MTR: variants seen among roughly 807,000 people sequenced by gnomAD.
MTR encodes 5-methyltetrahydrofolate-homocysteine methyltransferase.
A neutral mutation model predicts 154.8 loss-of-function variants in MTR; 84 were observed. The observed-to-expected ratio is 0.54, with a 90% confidence interval of 0.45 to 0.65. The LOEUF is 0.65. MTR is among the 30% of genes least tolerant of loss of function. The pLI, the probability that MTR is intolerant of heterozygous loss-of-function variation, is 0.00. For missense variants in MTR, 1,275 were observed against 1,570.2 expected (o/e 0.81, Z 3.18); for synonymous variants, 554 against 553.9 (o/e 1.00, Z 0.00).
chr1:236,813,143 C>CATAA lies in MTR; in HGVS notation c.609+303_609+306dup, dbSNP rs571404123. On this transcript the variant is annotated intron_variant, in intron 6 of 32. Transcript: ENST00000366577. ...CTGCTGGTTCTAAATTTGAAAGATA[C>CATAA]ATAAATATATGGAGTGAAAAGTGAA... Among the ~76,000 whole-genome samples the CATAA allele has an allele frequency of 5.7e-3, 863 of 152,222 alleles. 11 individuals carry two copies. The highest frequency in any genetic ancestry group is 0.019 in the African/African-American group (810 of 41,540).
intron 12 of MTR, among the ~76,000 whole-genome samples, chr1:236,831,536 T>A (rs1305143260): frequency 6.6e-6 from 1 of 152,212 alleles, no homozygotes. Context: ...ATTGGTGGGA[T>A]TAAAAAAGCT....
intron 22 of MTR, among the ~76,000 whole-genome samples, chr1:236,871,593 AT>A (rs1665136232): frequency 6.6e-6 from 1 of 152,106 alleles, no homozygotes; most frequent in East Asian, 1.9e-4. Flanking sequence ...CTAGTTTTAT[AT>A]GTGACAGTCT....
chr1:236,829,807 T>A (rs965315078), intron 12 of MTR, among the ~76,000 whole-genome samples: 1 of 152,214 alleles, frequency 6.6e-6, no homozygotes, highest in Non-Finnish European at 1.5e-5. Context: ...TCAGCATGAA[T>A]TTTGTGTTGA....
chr1:236,881,858 T>TA (rs1282201564), intron 25 of MTR, among the ~76,000 whole-genome samples: 9 of 152,216 alleles, frequency 5.9e-5, no homozygotes, highest in Admixed American at 2.6e-4. Flanking sequence ...AACCTCATGA[T>TA]ATAGGTATTT....
chr1:236,846,610 T>C (rs945954252), intron 15 of MTR, among the ~76,000 whole-genome samples: 1 of 152,216 alleles, frequency 6.6e-6, no homozygotes, highest in Non-Finnish European at 1.5e-5. Flanking sequence ...AGATTTGTCA[T>C]TGAGGAACAT....
intron 31 of MTR, among the ~76,000 whole-genome samples, chr1:236,896,447 C>T (rs892828585): frequency 5.3e-5 from 8 of 152,210 alleles, no homozygotes; most frequent in Non-Finnish European, 1.2e-4. Flanking sequence ...CGACCTCTGG[C>T]AAAGCACTCA....
chr1:236,808,462 A>C (rs1200325493), intron 3 of MTR, among the ~76,000 whole-genome samples: 3 of 152,136 alleles, frequency 2.0e-5, no homozygotes, highest in Admixed American at 6.5e-5. Flanking sequence ...TGCCCTTTTT[A>C]CTGGCTAGCT....
rs773509459 is a variant in MTR at position 236,886,342 on chromosome 1, G to A, written c.2826G>A (p.Met942Ile). The A allele has an allele frequency of 3.7e-6, 6 of 1,614,042 alleles. No homozygotes were observed. Among genetic ancestry groups the A allele is most frequent in the Admixed American group, 3.3e-5 (2 of 60,002 alleles). Residue 942 changes from methionine (M) to isoleucine (I), a missense_variant, in exon 27 of 33, where the codon ATG becomes ATA. Met to Ile is a conservative substitution (Grantham distance 10, BLOSUM62 1). Transcript: ENST00000366577. The part of the protein sequence containing the change: ...LSQARKSGFQ[M>I]DWLSEPHPVK... Reference sequence around the variant, plus strand: ...AAGCCAGAAAAAGTGGTTTCCAAATGGATTGGCTGTCTGAACCTCACCCAG... The same window carrying A: ...AAGCCAGAAAAAGTGGTTTCCAAATAGATTGGCTGTCTGAACCTCACCCAG...
chr1:236,827,954 A>G (rs900212374), intron 11 of MTR, among the ~76,000 whole-genome samples: 1 of 151,988 alleles, frequency 6.6e-6, no homozygotes, highest in Non-Finnish European at 1.5e-5. Context: ...TTGTTGACTG[A>G]TGTGATAGAC....
In MTR at chr1:236,850,333, C is replaced by T. The variant is rs1360263277; in HGVS notation, c.1516-11C>T. On this transcript the variant is annotated splice_polypyrimidine_tract_variant and intron_variant, in intron 15 of 32. Coordinates refer to ENST00000366577, the MANE Select transcript of MTR (RefSeq NM_000254.3). Reference sequence around the variant, plus strand: ...TCTATTTCAAACTACATCTTTTGCTCTTTTCCCTAGGCAACAGAAACAGAC... The same window carrying T: ...TCTATTTCAAACTACATCTTTTGCTTTTTTCCCTAGGCAACAGAAACAGAC... 1 of 1,606,658 alleles carries T rather than the reference C, an allele frequency of 6.2e-7. No homozygotes were observed. The highest frequency in any genetic ancestry group is 1.7e-5 in the Admixed American group (1 of 59,694).
chr1:236,882,634 C>A (rs1665808955), intron 25 of MTR, among the ~76,000 whole-genome samples: 1 of 152,148 alleles, frequency 6.6e-6, no homozygotes, highest in Admixed American at 6.5e-5. Flanking sequence ...CTCAAGTGAT[C>A]CACCCGCCTC....
chr1:236,869,047 A>G (rs559266788), intron 22 of MTR, among the ~76,000 whole-genome samples: 1 of 152,250 alleles, frequency 6.6e-6, no homozygotes, highest in Non-Finnish European at 1.5e-5. Context: ...ATGGAAACAC[A>G]TGCCATCTTG....
At chr1:236,866,342 CA>C (rs1181509843) in intron 22 of MTR, among the ~76,000 whole-genome samples, 1 of 151,992 alleles carries the variant, frequency 6.6e-6, no homozygotes, top group African/African-American at 2.4e-5. Flanking sequence ...TTTGGGGTAC[CA>C]TGAACCACAC....
chr1:236,849,892 T>G (rs1257037982), intron 15 of MTR, among the ~76,000 whole-genome samples: 3 of 152,232 alleles, frequency 2.0e-5, no homozygotes, highest in Admixed American at 2.0e-4. Context: ...TGGCAGTGTT[T>G]CCTGGGTGAT....
At chr1:236,822,734 T>G (rs1315328038) in intron 8 of MTR, among the ~76,000 whole-genome samples, 3 of 152,250 alleles carry the variant, frequency 2.0e-5, no homozygotes, top group African/African-American at 7.2e-5. Flanking sequence ...GAGTTTTTAG[T>G]GATTCTCTGG....
intron 18 of MTR, among the ~76,000 whole-genome samples, chr1:236,854,711 A>C (rs763744374): frequency 6.6e-6 from 1 of 152,196 alleles, no homozygotes; most frequent in Non-Finnish European, 1.5e-5. Flanking sequence ...CACTTAGGAA[A>C]GGGGCTCCTT....
chr1:236,860,235 C>G (rs12090960), intron 19 of MTR, among the ~76,000 whole-genome samples: 53,457 of 151,856 alleles, frequency 0.35, 10,187 homozygotes, highest in East Asian at 0.44. Flanking sequence ...AATATTCCTT[C>G]CCAAGTGTTA....
intron 11 of MTR, 78 bp downstream of exon 11, chr1:236,826,974 T>A (rs556080096): frequency 7.7e-7 from 1 of 1,301,832 alleles, no homozygotes; most frequent in Non-Finnish European, 1.1e-6. Context: ...CTTTTTGTTA[T>A]GGGCTGAATT....
intron 2 of MTR, among the ~76,000 whole-genome samples, chr1:236,805,821 A>G (rs911767276): frequency 6.6e-6 from 1 of 152,192 alleles, no homozygotes; most frequent in Non-Finnish European, 1.5e-5. Flanking sequence ...ATGTTAGCAT[A>G]TAGCTACCCT....
Sources: allele counts gnomAD v4.1 joint callset (sites outside exome capture counted in the v4.1 genomes callset), GRCh38; gene constraint gnomAD v4.1.1; transcripts MANE v1.5; gene names NCBI Gene and HGNC (gene_info 2026-07-23, HGNC 2026-07-21).